Variants in JAM2 observed in about 807,000 individuals in gnomAD.
The protein encoded by JAM2 is junctional adhesion molecule 2, also known as junctional adhesion molecule B.
Under a neutral mutation model 42.0 loss-of-function variants are expected in JAM2, and 17 were observed. The ratio of observed to expected loss-of-function variants is 0.40; its 90% confidence interval spans 0.28 to 0.61. JAM2 has a LOEUF of 0.61. Ranked by LOEUF, JAM2 falls within the 20% of genes least tolerant of loss-of-function variation. The pLI, the probability that JAM2 is intolerant of heterozygous loss-of-function variation, is 0.37. For missense variants in JAM2, 319 were observed against 358.3 expected, an observed-to-expected ratio of 0.89 and a Z score of 0.89; for synonymous variants, 118 against 128.6, an observed-to-expected ratio of 0.92 and a Z score of 0.56.
At chr21:25,677,201 GAA>G (rs147241644) in intron 1 of JAM2, among the ~76,000 whole-genome samples, 3 of 142,070 alleles carry the variant, frequency 2.1e-5, no homozygotes, top group African/African-American at 7.7e-5. Context: ...CACACAAAAA[GAA>G]AAAAAAAAGG....
At position 25,715,039 on chromosome 21, in the gene JAM2, G is replaced by T. The variant is rs1000536642; in HGVS notation, c.*367G>T. 6.1e-6 allele frequency: 1 copy of T among 162,918 alleles called. No individual in the cohort carries two copies. Among genetic ancestry groups the T allele is most frequent in the African/African-American group, 2.4e-5 (1 of 41,920 alleles). 10.1% of individuals were successfully genotyped at this position (162,918 alleles called of 1,614,324 possible). A position where few individuals can be genotyped will look rare whatever the true frequency, so the allele number is the denominator to read the frequency against. On this transcript the variant is annotated 3_prime_UTR_variant, in exon 10 of 10. Transcript: ENST00000480456. ...TGAAAATATAAATCAGACTCTGCAC[G>T]AGAGTCTGATTTAGGGGGTCCAACA...
chr21:25,671,589 T>C (rs1272797376), intron 1 of JAM2, among the ~76,000 whole-genome samples: 2 of 152,102 alleles, frequency 1.3e-5, no homozygotes, highest in African/African-American at 2.4e-5. Flanking sequence ...CACTGCAACC[T>C]CCACCTCCCA....
In JAM2 at chr21:25,639,444, C is replaced by G. The variant is rs977997897; in HGVS notation, c.-378C>G. 18 of 185,118 alleles carry G rather than the reference C, an allele frequency of 9.7e-5. No individual in the cohort carries two copies. The East Asian group carries it at 2.1e-3, about 21-fold the overall frequency. 11.5% of individuals were successfully genotyped at this position (185,118 alleles called of 1,614,324 possible). ...GCCCCGCGCGGACCAGACACAAAGC[C>G]GATCAATCCCGGAGGCGTGGGGGCG... On this transcript the variant is annotated 5_prime_UTR_variant, in exon 1 of 10. Coordinates refer to ENST00000480456, the MANE Select transcript of JAM2 (RefSeq NM_021219.4).
chr21:25,703,318 C>A (rs1220968624), intron 6 of JAM2, among the ~76,000 whole-genome samples: 1 of 152,200 alleles, frequency 6.6e-6, no homozygotes, highest in Admixed American at 6.5e-5. Flanking sequence ...TTTCTTAGCA[C>A]ACAATAAATA....
At chr21:25,695,388 C>T (rs2033981671) in intron 4 of JAM2, among the ~76,000 whole-genome samples, 1 of 152,264 alleles carries the variant, frequency 6.6e-6, no homozygotes, top group East Asian at 1.9e-4. Flanking sequence ...TCTACACAGA[C>T]ACAGCAACAA....
At chr21:25,677,498 CTG>C (rs933519351) in intron 1 of JAM2, among the ~76,000 whole-genome samples, 19 of 152,060 alleles carry the variant, frequency 1.2e-4, no homozygotes, top group African/African-American at 3.6e-4. Context: ...AAGTAGAAAA[CTG>C]TAATTGAGAA....
chr21:25,697,192 G>T (rs747458711), intron 4 of JAM2, among the ~76,000 whole-genome samples: 10 of 152,010 alleles, frequency 6.6e-5, no homozygotes, highest in Non-Finnish European at 1.5e-4. Context: ...TAATCAGCCA[G>T]AGAAAACTCT....
chr21:25,641,524 G>T (rs553028999), intron 1 of JAM2, among the ~76,000 whole-genome samples: 1 of 152,086 alleles, frequency 6.6e-6, no homozygotes, highest in South Asian at 2.1e-4. Flanking sequence ...AGTGTTGTGG[G>T]GACTTTTCTA....
intron 1 of JAM2, among the ~76,000 whole-genome samples, chr21:25,641,240 G>C (rs2032432528): frequency 6.6e-6 from 1 of 152,226 alleles, no homozygotes; most frequent in Non-Finnish European, 1.5e-5. Flanking sequence ...AGAAAGTTAT[G>C]TATTCTGCTG....
intron 1 of JAM2, among the ~76,000 whole-genome samples, chr21:25,653,226 G>A (rs2032830829): frequency 6.6e-6 from 1 of 152,138 alleles, no homozygotes; most frequent in South Asian, 2.1e-4. Context: ...AGGAGTTGAG[G>A]ATAATAATAT....
chr21:25,667,634 C>A (rs759417315), intron 1 of JAM2, among the ~76,000 whole-genome samples: 3 of 152,118 alleles, frequency 2.0e-5, no homozygotes, highest in Non-Finnish European at 2.9e-5. Context: ...CTTCAGACAT[C>A]CACTGGGGGT....
chr21:25,699,303 G>A (rs1009875370), intron 5 of JAM2, among the ~76,000 whole-genome samples: 4 of 152,280 alleles, frequency 2.6e-5, no homozygotes, highest in Middle Eastern at 3.4e-3. Flanking sequence ...CTGCTGCAGT[G>A]AACTCACTTG....
intron 1 of JAM2, among the ~76,000 whole-genome samples, chr21:25,660,777 TATATA>T (rs201966391): frequency 5.4e-5 from 4 of 74,028 alleles, no homozygotes; most frequent in African/African-American, 2.8e-4. Context: ...TATATATATA[TATATA>T]TTTTTTTTTT....
intron 6 of JAM2, among the ~76,000 whole-genome samples, chr21:25,705,194 G>T (rs2034247092): frequency 6.6e-6 from 1 of 152,090 alleles, no homozygotes; most frequent in Non-Finnish European, 1.5e-5. Flanking sequence ...ATTCAAGAAG[G>T]AACGTATTTC....
chr21:25,693,590 GA>G (rs2033930038), intron 3 of JAM2, among the ~76,000 whole-genome samples, 165 bp from the exon 4 acceptor site: 1 of 152,094 alleles, frequency 6.6e-6, no homozygotes, highest in Non-Finnish European at 1.5e-5. Context: ...CTTTCCAAAA[GA>G]AAAATTTTAA....
At position 25,677,717 on chromosome 21, in the gene JAM2, C is replaced by T. The variant is rs571652974; in HGVS notation, c.68-6166C>T. Among the ~76,000 whole-genome samples the T allele has an allele frequency of 2.6e-5, 4 of 152,192 alleles. No homozygotes were observed. In the East Asian group the frequency reaches 5.8e-4, roughly 22 times the overall value. On this transcript the variant is annotated intron_variant, in intron 1 of 9. Coordinates refer to ENST00000480456, the MANE Select transcript of JAM2 (RefSeq NM_021219.4). Reference sequence around the variant, plus strand: ...AAGATTATCTTTCCCTATTTTGCCCCGAGGTTTTCCTCGACTGGTTTTCAG... The same window carrying T: ...AAGATTATCTTTCCCTATTTTGCCCTGAGGTTTTCCTCGACTGGTTTTCAG...
At chr21:25,641,969 T>C (rs181806925) in intron 1 of JAM2, among the ~76,000 whole-genome samples, 9 of 152,260 alleles carry the variant, frequency 5.9e-5, no homozygotes, top group East Asian at 3.9e-4. Flanking sequence ...ACTGGGGTTA[T>C]AGGTTTTTTG....
At chr21:25,696,918 T>A (rs989297036) in intron 4 of JAM2, among the ~76,000 whole-genome samples, 1 of 152,180 alleles carries the variant, frequency 6.6e-6, no homozygotes, top group Admixed American at 6.5e-5. Flanking sequence ...GTCTTCCAGA[T>A]CACGGCTTAC....
chr21:25,692,655 C>T (rs1010664398), intron 3 of JAM2: 23 of 152,102 alleles, frequency 1.5e-4, no homozygotes, highest in African/African-American at 5.6e-4. Flanking sequence ...ATTATTATGA[C>T]CAACTTTACT....
Sources: gnomAD v4.1 joint callset for allele counts (sites outside exome capture counted in the v4.1 genomes callset) on GRCh38, gnomAD v4.1.1 for gene constraint, MANE v1.5 for transcripts, NCBI Gene and HGNC (gene_info 2026-07-23, HGNC 2026-07-21) for gene names.